Variants in SYT16 observed in about 807,000 individuals in gnomAD.
SYT16 encodes synaptotagmin 16.
SYT16 carries 42 observed loss-of-function variants against 61.4 expected under a neutral mutation model. The observed-to-expected ratio is 0.68, with a 90% CI of 0.53 to 0.89. The LOEUF is 0.89. Ranked by LOEUF, SYT16 falls within the 40% of genes least tolerant of loss-of-function variation. The pLI, the probability that SYT16 is intolerant of heterozygous loss-of-function variation, is 0.00. For synonymous variants in SYT16, 314 were observed against 302.3 expected (o/e 1.04, Z -0.40); for missense variants, 804 against 807.3 (o/e 1.00, Z 0.05).
intron 3 of SYT16, among the ~76,000 whole-genome samples, chr14:62,008,835 T>C (rs1021770939): frequency 1.4e-4 from 21 of 152,164 alleles, no homozygotes; most frequent in African/African-American, 4.8e-4. Context: ...TAGTCAACTG[T>C]ATTAATTAAT....
chr14:61,914,391 C>A (rs2049041966), intron 1 of SYT16, among the ~76,000 whole-genome samples: 1 of 152,192 alleles, frequency 6.6e-6, no homozygotes, highest in Non-Finnish European at 1.5e-5. Flanking sequence ...CCCATGCACA[C>A]TATTTTAGCA....
At chr14:61,865,041 G>A (rs1355152315) in intron 1 of SYT16, 3 of 1,411,694 alleles carry the variant, frequency 2.1e-6, no homozygotes, top group East Asian at 4.6e-5. Flanking sequence ...TGCTGTATTC[G>A]GCTGCGGAGC....
In SYT16 at chr14:62,088,955, C is replaced by CT. The variant is rs11318289; in HGVS notation, c.1624+4584dup. Among the ~76,000 whole-genome samples, 68 of 144,122 alleles carry CT rather than the reference C, an allele frequency of 4.7e-4. 1 individual carries two copies. Among genetic ancestry groups the CT allele is most frequent in the South Asian group, 9.0e-4 (4 of 4,460 alleles). The allele number at this position is 144,122 out of a possible 152,430, so 94.5% of individuals were successfully genotyped here. A position where few individuals can be genotyped will look rare whatever the true frequency, so the allele number is the denominator to read the frequency against. On this transcript the variant is annotated intron_variant, in intron 7 of 7. Coordinates refer to ENST00000683842, the MANE Select transcript of SYT16 (RefSeq NM_001367656.1). ...ATAGGGACTTCTGTGGTTGGCAATACTTTTTTTTTTTTTTAATTAGAGTGA... is the reference window on the plus strand; with the variant it reads ...ATAGGGACTTCTGTGGTTGGCAATACTTTTTTTTTTTTTTTAATTAGAGTGA...
chr14:61,986,952 C>T (rs2052341707), intron 2 of SYT16, among the ~76,000 whole-genome samples: 1 of 152,120 alleles, frequency 6.6e-6, no homozygotes, highest in Non-Finnish European at 1.5e-5. Flanking sequence ...AATTAACCTA[C>T]TCTGTGATCT....
intron 1 of SYT16, chr14:61,897,338 T>C (rs1388886289): frequency 6.6e-6 from 1 of 152,208 alleles, no homozygotes; most frequent in Non-Finnish European, 1.5e-5. Context: ...TTTAGAATTT[T>C]CTTTACGTTG....
intron 1 of SYT16, among the ~76,000 whole-genome samples, chr14:61,918,906 A>G (rs1306119306): frequency 6.6e-6 from 1 of 152,208 alleles, no homozygotes; most frequent in African/African-American, 2.4e-5. Flanking sequence ...AGGGAAATGT[A>G]GAGGAGAGAA....
At chr14:61,817,510 G>A (rs2045481433) in intron 1 of SYT16, among the ~76,000 whole-genome samples, 1 of 151,958 alleles carries the variant, frequency 6.6e-6, no homozygotes. Flanking sequence ...CACTTACTGT[G>A]CCACAAATGT....
At chr14:61,861,287 C>T (rs921271798) in intron 1 of SYT16, among the ~76,000 whole-genome samples, 6 of 152,178 alleles carry the variant, frequency 3.9e-5, no homozygotes, top group Non-Finnish European at 1.5e-5. Context: ...TACCAATTTG[C>T]AAAATTAAGT....
chr14:62,100,076 G>A (rs1460078708), intron 7 of SYT16, among the ~76,000 whole-genome samples: 1 of 152,214 alleles, frequency 6.6e-6, no homozygotes, highest in Non-Finnish European at 1.5e-5. Flanking sequence ...GAAGAACTGT[G>A]CCTGCCCACA....
At chr14:62,039,451 G>T (rs1383693584) in intron 3 of SYT16, among the ~76,000 whole-genome samples, 2 of 152,162 alleles carry the variant, frequency 1.3e-5, no homozygotes, top group East Asian at 3.9e-4. Flanking sequence ...TCTATGTTGG[G>T]ATAAGAGAGG....
At chr14:61,824,869 T>C (rs562586552) in intron 1 of SYT16, among the ~76,000 whole-genome samples, 45 of 152,264 alleles carry the variant, frequency 3.0e-4, no homozygotes, top group Admixed American at 2.1e-3. Context: ...TACACTAAAA[T>C]TTGCAGAGGG....
At chr14:61,860,103 C>T (rs754436090) in intron 1 of SYT16, among the ~76,000 whole-genome samples, 1 of 152,096 alleles carries the variant, frequency 6.6e-6, no homozygotes, top group Non-Finnish European at 1.5e-5. Context: ...AATGGTTCCA[C>T]CTTGAAATAG....
chr14:61,999,087 G>A (rs1356551959), intron 3 of SYT16, among the ~76,000 whole-genome samples: 2 of 151,304 alleles, frequency 1.3e-5, no homozygotes, highest in African/African-American at 4.9e-5. Flanking sequence ...TTTTTTTTAG[G>A]GATATTGGTC....
At chr14:62,054,084 A>T (rs2055430673) in intron 3 of SYT16, among the ~76,000 whole-genome samples, 1 of 152,192 alleles carries the variant, frequency 6.6e-6, no homozygotes. Context: ...GCTAATATTC[A>T]TGTGTTTTAT....
intron 7 of SYT16, among the ~76,000 whole-genome samples, chr14:62,095,825 A>G (rs555924293): frequency 6.6e-6 from 1 of 152,100 alleles, no homozygotes; most frequent in African/African-American, 2.4e-5. Flanking sequence ...AGCCAATTAA[A>G]CCAAGCAAGA....
chr14:61,935,636 C>T (rs2049952261), intron 1 of SYT16, among the ~76,000 whole-genome samples: 1 of 152,184 alleles, frequency 6.6e-6, no homozygotes. Context: ...GGCAGTTTCC[C>T]TTCAACCTAG....
intron 1 of SYT16, among the ~76,000 whole-genome samples, chr14:61,905,093 G>A (rs2140365805): frequency 6.6e-6 from 1 of 152,194 alleles, no homozygotes; most frequent in South Asian, 2.1e-4. Flanking sequence ...TTTCTTCCTT[G>A]TTCCTTCAAT....
chr14:61,947,431 G>A (rs2050491388), intron 1 of SYT16, among the ~76,000 whole-genome samples: 1 of 151,998 alleles, frequency 6.6e-6, no homozygotes, highest in Admixed American at 6.6e-5. Context: ...GAACCACTGA[G>A]GCACCTAAAG....
intron 2 of SYT16, among the ~76,000 whole-genome samples, chr14:61,971,559 C>T (rs1595051870): frequency 6.6e-6 from 1 of 152,192 alleles, no homozygotes; most frequent in South Asian, 2.1e-4. Context: ...TCTTTTTATG[C>T]CCTAGCATGG....
Sources: allele counts gnomAD v4.1 joint callset (sites outside exome capture counted in the v4.1 genomes callset), GRCh38; gene constraint gnomAD v4.1.1; transcripts MANE v1.5; gene names NCBI Gene and HGNC (gene_info 2026-07-23, HGNC 2026-07-21).